NXN: variants seen among roughly 807,000 people sequenced by gnomAD.
NXN encodes the protein nucleoredoxin 1.
A neutral mutation model predicts 48.6 loss-of-function variants in NXN; 16 were observed. That is an observed-to-expected ratio of 0.33 (90% CI 0.22 to 0.50). NXN has a LOEUF of 0.50. Ranked by LOEUF, NXN falls within the 20% of genes least tolerant of loss-of-function variation. The pLI, the probability that NXN is intolerant of heterozygous loss-of-function variation, is 0.98. For missense variants in NXN, 492 were observed against 605.5 expected (o/e 0.81, Z 1.97); for synonymous variants, 281 against 269.6 (o/e 1.04, Z -0.41).
chr17:823,482 C>A lies in NXN; in HGVS notation c.612+150G>T, dbSNP rs115435467. The stretch of plus-strand genomic sequence containing the variant: ...CTTTTTTCATTCATAATCATAAGCA[C>A]TATTCAACCAGGCCTCGGGCACAGG... On this transcript the variant is annotated intron_variant, in intron 3 of 7. Transcript: ENST00000336868. The A allele has an allele frequency of 2.1e-3, 1,557 of 734,048 alleles. 14 individuals carry two copies. In the African/African-American group the frequency reaches 0.025, roughly 12 times the overall value. The allele number at this position is 734,048 out of a possible 1,614,324, so 45.5% of individuals were successfully genotyped here.
chr17:888,027 C>T (rs1055759701), intron 1 of NXN, among the ~76,000 whole-genome samples: 3 of 152,106 alleles, frequency 2.0e-5, no homozygotes, highest in African/African-American at 7.2e-5. Context: ...GGTTGAGAAG[C>T]GTGCCAGGTA....
intron 5 of NXN, among the ~76,000 whole-genome samples, chr17:814,336 G>A (rs753455009): frequency 1.3e-5 from 2 of 152,108 alleles, no homozygotes; most frequent in Non-Finnish European, 1.5e-5. Flanking sequence ...TGGCCTGAGC[G>A]TTGGCCACCA....
At chr17:889,930 T>C (rs192550064) in intron 1 of NXN, among the ~76,000 whole-genome samples, 1 of 152,188 alleles carries the variant, frequency 6.6e-6, no homozygotes, top group East Asian at 1.9e-4. Context: ...TCCCCCAACC[T>C]GCCGTAGATC....
chr17:964,335 A>C (rs1050936059), intron 1 of NXN, among the ~76,000 whole-genome samples: 17 of 152,158 alleles, frequency 1.1e-4, no homozygotes, highest in African/African-American at 3.9e-4. Flanking sequence ...GATCCAGAGG[A>C]TCTCAGAAAA....
At chr17:928,331 A>C (rs532039956) in intron 1 of NXN, among the ~76,000 whole-genome samples, 159 of 152,314 alleles carry the variant, frequency 1.0e-3, no homozygotes, top group African/African-American at 3.7e-3. Flanking sequence ...ACTTCATCAG[A>C]AAAGCATTCG....
Position 825,687 on chromosome 17 carries a change from C to A in NXN, c.478+274G>T, listed in dbSNP as rs961792374. The A allele has an allele frequency of 2.0e-5, 7 of 348,224 alleles. No homozygotes were observed. The highest frequency in any genetic ancestry group is 3.6e-5 in the Non-Finnish European group (7 of 192,632). The allele number at this position is 348,224 out of a possible 1,614,324, so 21.6% of individuals were successfully genotyped here. On this transcript the variant is annotated intron_variant, in intron 2 of 7. Transcript: ENST00000336868. This position sits in a 1 kb window ranked among gnomAD's most constrained non-coding sequence, Gnocchi z 4.1. ...GCTCTCCGCTTTCCCACAGCCTCTG[C>A]GGCCCTCCAAGCGGAGCTTCTTACG...
intron 1 of NXN, among the ~76,000 whole-genome samples, chr17:909,098 CAAAAAAAAAAAAAAAAAAA>C (rs59822805): frequency 8.5e-6 from 1 of 117,384 alleles, no homozygotes. Context: ...GACTTCGTCT[CAAAAAAAAAAAAAAAAAAA>C]AAAAAAAAAA....
intron 4 of NXN, 43 bp downstream of exon 4, chr17:822,314 C>G: frequency 7.4e-7 from 1 of 1,358,624 alleles, no homozygotes; most frequent in Non-Finnish European, 1.0e-6. Flanking sequence ...TGGATGTCAG[C>G]TACCTACAGA....
intron 1 of NXN, among the ~76,000 whole-genome samples, chr17:935,826 C>T (rs2150601067): frequency 6.6e-6 from 1 of 152,242 alleles, no homozygotes; most frequent in South Asian, 2.1e-4. Flanking sequence ...GGCGCAGTGA[C>T]TCACGCCTAT....
intron 5 of NXN, among the ~76,000 whole-genome samples, chr17:811,512 G>C (rs563965873): frequency 9.9e-5 from 15 of 151,852 alleles, no homozygotes; most frequent in Admixed American, 4.0e-4. Flanking sequence ...CCGGGGTTGG[G>C]GGGGGGGCAG....
At chr17:811,342 A>C (rs1488778504) in intron 5 of NXN, among the ~76,000 whole-genome samples, 2 of 152,228 alleles carry the variant, frequency 1.3e-5, no homozygotes, top group Non-Finnish European at 2.9e-5. Flanking sequence ...AGGGGCTGTA[A>C]ACCTCCCTGC....
At chr17:923,636 G>A (rs573581597) in intron 1 of NXN, among the ~76,000 whole-genome samples, 4 of 152,366 alleles carry the variant, frequency 2.6e-5, no homozygotes, top group South Asian at 4.1e-4. Flanking sequence ...GACCTGCAAC[G>A]TGCAGGACAC....
At chr17:803,863 C>G (rs1443296997) in intron 6 of NXN, 57 bp from the exon 7 acceptor site, 1 of 1,599,864 alleles carries the variant, frequency 6.3e-7, no homozygotes, top group Non-Finnish European at 8.5e-7. Context: ...GCTTGTCAAA[C>G]AGAGCGGCAC....
intron 5 of NXN, among the ~76,000 whole-genome samples, chr17:805,981 C>T (rs565320223): frequency 7.2e-4 from 109 of 152,258 alleles, no homozygotes; most frequent in Admixed American, 2.4e-3. Flanking sequence ...AGTGACCACA[C>T]GGCGGACTTG....
Position 826,064 on chromosome 17 carries a change from G to C in NXN, c.375C>G (p.Asn125Lys). The change falls in exon 2 of 8, where the codon AAC (asparagine) becomes AAG (lysine). Residue 125 changes from asparagine (N) to lysine (K), a missense_variant. This residue lies in a region of NXN where 186 missense variants were observed against 199.1 expected (regional missense o/e 0.93). Coordinates refer to ENST00000336868, the MANE Select transcript of NXN (RefSeq NM_022463.5). The part of the protein sequence containing the change: ...KEKHRKLKLW[N>K]KYRISNIPSL... ...ATGGAATGTTGGAAATTCGGTATTT[G>C]TTCCAAAGTTTGAGCTGTATGAAGA... 6.2e-7 allele frequency: 1 copy of C among 1,612,422 alleles called. No homozygotes were observed. Among genetic ancestry groups the C allele is most frequent in the African/African-American group, 1.3e-5 (1 of 75,020 alleles).
chr17:951,790 T>C (rs1420907105), intron 1 of NXN, among the ~76,000 whole-genome samples: 3 of 151,830 alleles, frequency 2.0e-5, no homozygotes, highest in African/African-American at 7.3e-5. Flanking sequence ...TCACCTGGGG[T>C]CCCGTGGGTA....
intron 1 of NXN, among the ~76,000 whole-genome samples, chr17:832,100 C>A (rs564675764): frequency 1.3e-5 from 2 of 151,688 alleles, no homozygotes; most frequent in African/African-American, 4.8e-5. Flanking sequence ...GCAGATGCAA[C>A]ATGATTATTA....
chr17:805,838 T>TAAAC (rs1468315703), intron 5 of NXN, among the ~76,000 whole-genome samples: 1 of 150,282 alleles, frequency 6.7e-6, no homozygotes. Flanking sequence ...ATTCTGTCTC[T>TAAAC]AAACAAATAA....
intron 1 of NXN, among the ~76,000 whole-genome samples, chr17:969,828 CAA>C (rs1204859715): frequency 1.3e-5 from 2 of 151,978 alleles, no homozygotes; most frequent in Non-Finnish European, 2.9e-5. Context: ...CCCAGGAAAA[CAA>C]AGAGAAAGCC....
Sources: allele counts gnomAD v4.1 joint callset (sites outside exome capture counted in the v4.1 genomes callset), GRCh38; gene constraint gnomAD v4.1.1; regional missense constraint gnomAD v4.1.1; non-coding constraint Gnocchi (gnomAD v3.1); transcripts MANE v1.5; gene names NCBI Gene and HGNC (gene_info 2026-07-23, HGNC 2026-07-21).